KIF15: variants seen among roughly 807,000 people sequenced by gnomAD.
KIF15 encodes the protein kinesin-like protein KIF15.
A neutral mutation model predicts 190.6 loss-of-function variants in KIF15; 140 were observed. That is an observed-to-expected ratio of 0.73 (90% CI 0.64 to 0.84). The LOEUF (loss-of-function observed/expected upper bound fraction) is 0.84, where lower values mean the gene tolerates loss of function less well. KIF15 is among the 40% of genes least tolerant of loss of function. The pLI is 0.00. For missense variants in KIF15, 1,372 were observed against 1,584.4 expected (o/e 0.87, Z 2.28); for synonymous variants, 528 against 551.3 (o/e 0.96, Z 0.59).
intron 3 of KIF15, among the ~76,000 whole-genome samples, chr3:44,776,712 T>C (rs1166651558): frequency 6.6e-6 from 1 of 152,162 alleles, no homozygotes; most frequent in Non-Finnish European, 1.5e-5. Flanking sequence ...TAAGACCTAG[T>C]TAGTGCTATC....
In KIF15 at chr3:44,805,126, A is replaced by G. The variant is rs1341860122; in HGVS notation, c.1787A>G (p.Asn596Ser). The change falls in exon 15 of 35, where the codon AAT becomes AGT. Residue 596 changes from asparagine (N) to serine (S), a missense_variant. By Grantham distance (46) the Asn-to-Ser change is conservative. Coordinates refer to ENST00000326047, the MANE Select transcript of KIF15 (RefSeq NM_020242.3). ...CTCCTGCAAATTCAGACAGAGCTGA[A>G]TAATTCAAAGCAAGAATATGAAGAA... ...AQLLQIQTEL[N>S]NSKQEYEEFK... 1.2e-6 allele frequency: 2 copies of G among 1,613,588 alleles called. No homozygotes were observed. Among genetic ancestry groups the G allele is most frequent in the Admixed American group, 3.3e-5 (2 of 59,950 alleles).
At position 44,802,936 on chromosome 3, in the gene KIF15, T is replaced by G. The variant is rs1707345133; in HGVS notation, c.1632T>G (p.Ile544Met). ...CTCAAGAAATGGATGCCCAGACCAT[T>G]GCAAAACTAGAAAAAGCTTTCTCTG... Reference protein sequence around the residue: ...KRAQEMDAQTIAKLEKAFSEI... With the variant: ...KRAQEMDAQTMAKLEKAFSEI... Residue 544 changes from isoleucine (I) to methionine (M), a missense_variant, in exon 14 of 35, where the codon ATT (isoleucine) becomes ATG (methionine). Transcript: ENST00000326047. 6.2e-7 allele frequency: 1 copy of G among 1,605,154 alleles called. No homozygotes were observed.
chr3:44,856,525 G>T (rs1176612326), downstream of KIF15, among the ~76,000 whole-genome samples: 1 of 152,200 alleles, frequency 6.6e-6, no homozygotes, highest in African/African-American at 2.4e-5. Context: ...CTTGGTCCAA[G>T]AACCATTTGC....
intron 6 of KIF15, chr3:44,864,464 G>C (rs1239847447): frequency 2.8e-5 from 35 of 1,247,726 alleles, no homozygotes; most frequent in Non-Finnish European, 3.2e-5. Context: ...AGGTTGGGCT[G>C]TGGCTTGACC....
At chr3:44,839,388 G>A (rs1450028228) in intron 27 of KIF15, among the ~76,000 whole-genome samples, 2 of 151,840 alleles carry the variant, frequency 1.3e-5, no homozygotes, top group Non-Finnish European at 2.9e-5. Flanking sequence ...AAAAAGAAAA[G>A]AAAAGGAGAT....
In KIF15 at chr3:44,800,331, C is replaced by T. The variant is rs139393022; in HGVS notation, c.1116C>T (p.Asp372=). Residue 372 remains aspartate, a synonymous_variant, in exon 11 of 35, where the codon GAC becomes GAT. Transcript: ENST00000326047. ...LIKNKAVVNE[D]TQGNVSQLQA... ...CTGAACAGGCAGTAGTAAATGAAGA[C>T]ACCCAAGGAAATGTGAGCCAGCTCC... The T allele has an allele frequency of 1.5e-4, 250 of 1,613,900 alleles. No individual in the cohort carries two copies. Among genetic ancestry groups the T allele is most frequent in the Non-Finnish European group, 6.1e-5 (72 of 1,179,980 alleles).
chr3:44,774,343 G>A, intron 1 of KIF15, 52 bp from the exon 2 acceptor site: 1 of 1,513,754 alleles, frequency 6.6e-7, no homozygotes, highest in South Asian at 1.2e-5. Context: ...GAGAAGAATA[G>A]GATTTCCATA....
intron 9 of KIF15, 64 bp downstream of exon 9, chr3:44,797,740 C>A: frequency 6.2e-7 from 1 of 1,604,238 alleles, no homozygotes; most frequent in Non-Finnish European, 8.5e-7. Flanking sequence ...GTGGGACAGT[C>A]TCTCAGCCTT....
chr3:44,772,954 AGTCC>A (rs148491611), intron 1 of KIF15, among the ~76,000 whole-genome samples: 1,652 of 152,280 alleles, frequency 0.011, 28 homozygotes, highest in African/African-American at 0.037. Flanking sequence ...GGACCTATGG[AGTCC>A]TATGCCAGCA....
downstream of KIF15, among the ~76,000 whole-genome samples, chr3:44,857,619 T>C (rs1039690626): frequency 1.3e-5 from 2 of 152,184 alleles, no homozygotes; most frequent in Admixed American, 1.3e-4. Context: ...TTAGGATCTA[T>C]AGGGTCGGCT....
At chr3:44,805,822 C>T (rs1178059644) in intron 15 of KIF15, 23 bp from the exon 16 acceptor site, 2 of 1,601,852 alleles carry the variant, frequency 1.2e-6, no homozygotes, top group South Asian at 2.2e-5. Flanking sequence ...ACCTGAAATA[C>T]TCCGTTTTAC....
At chr3:44,804,510 A>C (rs1421658503) in intron 14 of KIF15, among the ~76,000 whole-genome samples, 1 of 152,170 alleles carries the variant, frequency 6.6e-6, no homozygotes, top group East Asian at 1.9e-4. Context: ...TACAAGATTC[A>C]CTGGCTGCTG....
chr3:44,850,237 G>C (rs987108243), intron 32 of KIF15, among the ~76,000 whole-genome samples: 11 of 152,140 alleles, frequency 7.2e-5, no homozygotes, highest in African/African-American at 2.7e-4. Flanking sequence ...TGATTCATTT[G>C]CTTCATAGAA....
downstream of KIF15, among the ~76,000 whole-genome samples, chr3:44,853,815 T>G (rs1301774323): frequency 6.6e-6 from 1 of 152,232 alleles, no homozygotes; most frequent in East Asian, 1.9e-4. Flanking sequence ...TATGGAATAT[T>G]ACTTGGCAAT....
intron 30 of KIF15, among the ~76,000 whole-genome samples, chr3:44,847,358 C>G (rs1698893477): frequency 6.6e-6 from 1 of 152,168 alleles, no homozygotes; most frequent in Admixed American, 6.5e-5. Context: ...TTATCCTCAC[C>G]TGGTCAGGCT....
At chr3:44,779,494 T>A (rs1390053355) in intron 4 of KIF15, among the ~76,000 whole-genome samples, 2 of 152,146 alleles carry the variant, frequency 1.3e-5, no homozygotes, top group African/African-American at 4.8e-5. Context: ...TTATTAGTAG[T>A]GTCCTCTTCA....
intron 7 of KIF15, among the ~76,000 whole-genome samples, chr3:44,786,792 A>G (rs1358118309): frequency 6.6e-6 from 1 of 152,180 alleles, no homozygotes; most frequent in Admixed American, 6.5e-5. Context: ...CAGAAATAAG[A>G]TGATACATTG....
chr3:44,846,048 G>T (rs1698834478), intron 30 of KIF15, among the ~76,000 whole-genome samples: 1 of 152,158 alleles, frequency 6.6e-6, no homozygotes, highest in Non-Finnish European at 1.5e-5. Flanking sequence ...AAACTTGTTT[G>T]TTCTAAAGAG....
At chr3:44,765,749 A>G (rs1184785555) in intron 1 of KIF15, among the ~76,000 whole-genome samples, 7 of 152,234 alleles carry the variant, frequency 4.6e-5, no homozygotes, top group Admixed American at 6.5e-5. Context: ...CAGGCCTGCA[A>G]TTTAGCTTGT....
Sources: gnomAD v4.1 joint callset for allele counts (sites outside exome capture counted in the v4.1 genomes callset) on GRCh38, gnomAD v4.1.1 for gene constraint, MANE v1.5 for transcripts, NCBI Gene and HGNC (gene_info 2026-07-23, HGNC 2026-07-21) for gene names.